Variants in RGS6 observed in about 807,000 individuals in gnomAD.
RGS6 encodes regulator of G protein signaling 6.
In RGS6, 30 loss-of-function variants were observed where a neutral mutation model predicts 78.5. That is an observed-to-expected ratio of 0.38 (90% confidence interval 0.29 to 0.52). The LOEUF (loss-of-function observed/expected upper bound fraction) is 0.52. Among genes scored for constraint, RGS6 ranks in the 20% least tolerant of loss-of-function variants. The pLI is 0.85. For missense variants in RGS6, 495 were observed against 609.7 expected, an observed-to-expected ratio of 0.81 and a Z score of 1.98; for synonymous variants, 206 against 206.0, an observed-to-expected ratio of 1.00 and a Z score of 0.00.
the RGS6 span, among the ~76,000 whole-genome samples, chr14:72,578,696 G>C: frequency 6.6e-6 from 1 of 152,236 alleles, no homozygotes; most frequent in Non-Finnish European, 1.5e-5. Flanking sequence ...ACACAGCGGG[G>C]TATGGCTTCC....
chr14:72,343,248 C>G (rs1316606468), intron 2 of RGS6, among the ~76,000 whole-genome samples: 2 of 152,210 alleles, frequency 1.3e-5, no homozygotes, highest in East Asian at 1.9e-4. Context: ...TCTGGAGGCT[C>G]TAAGGGATAA....
At chr14:72,579,257 G>A in the RGS6 span, among the ~76,000 whole-genome samples, 1 of 152,160 alleles carries the variant, frequency 6.6e-6, no homozygotes, top group African/African-American at 2.4e-5. Context: ...CCACCTGGAA[G>A]CCCCTGAATA....
intron 2 of RGS6, among the ~76,000 whole-genome samples, chr14:72,088,951 T>G (rs1597371094): frequency 1.3e-5 from 2 of 152,244 alleles, no homozygotes; most frequent in African/African-American, 4.8e-5. Flanking sequence ...ATGTTCTCAT[T>G]GTTCACCGAA....
intron 3 of RGS6, among the ~76,000 whole-genome samples, chr14:72,407,470 C>T (rs926047248): frequency 1.3e-5 from 2 of 152,218 alleles, no homozygotes; most frequent in African/African-American, 4.8e-5. Flanking sequence ...AGAATTGGCT[C>T]ATGTGATTAC....
intron 2 of RGS6, among the ~76,000 whole-genome samples, chr14:72,248,981 G>T (rs2054939859): frequency 6.6e-6 from 1 of 152,092 alleles, no homozygotes; most frequent in African/African-American, 2.4e-5. Context: ...AGTTTATCCT[G>T]ATAAAACTTA....
intron 2 of RGS6, among the ~76,000 whole-genome samples, chr14:71,976,120 C>G (rs2094111034): frequency 6.6e-6 from 1 of 151,458 alleles, no homozygotes; most frequent in Non-Finnish European, 1.5e-5. Context: ...TCATTTAATT[C>G]CTAAACTTAT....
chr14:72,022,834 A>G (rs541459609), intron 2 of RGS6, among the ~76,000 whole-genome samples: 3 of 152,172 alleles, frequency 2.0e-5, no homozygotes, highest in African/African-American at 7.2e-5. Flanking sequence ...CTGGTTTTGT[A>G]TCTGAGCTCC....
intron 2 of RGS6, among the ~76,000 whole-genome samples, chr14:72,253,940 A>G (rs117448356): frequency 6.6e-6 from 1 of 152,230 alleles, no homozygotes; most frequent in African/African-American, 2.4e-5. Flanking sequence ...ACCTCTGCTC[A>G]CTGCCATCCC....
intron 2 of RGS6, among the ~76,000 whole-genome samples, chr14:72,253,756 A>T (rs847239): frequency 0.28 from 41,938 of 152,068 alleles, 6,467 homozygotes; most frequent in South Asian, 0.41. Flanking sequence ...GTCTTGAGAG[A>T]TACCATTAGA....
chr14:72,552,879 G>A (rs2097526434), intron 17 of RGS6: 2 of 152,112 alleles, frequency 1.3e-5, no homozygotes, highest in South Asian at 4.1e-4. Context: ...TTTTATATAT[G>A]TATTTTAAGG....
At chr14:72,035,939 A>C (rs961357427) in intron 2 of RGS6, among the ~76,000 whole-genome samples, 1 of 152,150 alleles carries the variant, frequency 6.6e-6, no homozygotes, top group Admixed American at 6.6e-5. Flanking sequence ...GTATACATTT[A>C]TGTAACCACT....
intron 2 of RGS6, among the ~76,000 whole-genome samples, chr14:72,121,323 C>T (rs1273738913): frequency 6.6e-6 from 1 of 152,182 alleles, no homozygotes; most frequent in Non-Finnish European, 1.5e-5. Flanking sequence ...TAAATGGCTC[C>T]ATTCCATAGC....
chr14:72,117,086 T>C (rs1567237431), intron 2 of RGS6, among the ~76,000 whole-genome samples: 1 of 151,318 alleles, frequency 6.6e-6, no homozygotes, highest in East Asian at 1.9e-4. Context: ...AGGCAGCCCC[T>C]CAGAGATCTG....
At chr14:72,549,279 T>C (rs2097461138) in intron 17 of RGS6, among the ~76,000 whole-genome samples, 1 of 151,974 alleles carries the variant, frequency 6.6e-6, no homozygotes, top group East Asian at 1.9e-4. Flanking sequence ...CCGCAGCAGC[T>C]GAGCTCTGGG....
At chr14:72,584,647 A>T in the RGS6 span, among the ~76,000 whole-genome samples, 4 of 152,194 alleles carry the variant, frequency 2.6e-5, no homozygotes, top group Non-Finnish European at 5.9e-5. Flanking sequence ...TCCTACAGAG[A>T]GTAAAGCGCC....
intron 2 of RGS6, among the ~76,000 whole-genome samples, chr14:72,203,834 T>C (rs1274883531): frequency 6.7e-6 from 1 of 149,448 alleles, no homozygotes; most frequent in Non-Finnish European, 1.5e-5. Flanking sequence ...TTTTTTTTTT[T>C]TTTTTTTTGA....
chr14:72,556,759 T>TAAAC (rs1034732525), intron 17 of RGS6, among the ~76,000 whole-genome samples: 8 of 152,234 alleles, frequency 5.3e-5, no homozygotes, highest in African/African-American at 1.9e-4. Context: ...TATTATTTTT[T>TAAAC]AAACAGGTTC....
chr14:72,025,604 C>G (rs926318601), intron 2 of RGS6, among the ~76,000 whole-genome samples: 1 of 152,034 alleles, frequency 6.6e-6, no homozygotes, highest in Non-Finnish European at 1.5e-5. Flanking sequence ...CTGTGCCTTT[C>G]CATAGGGCCA....
the RGS6 span, among the ~76,000 whole-genome samples, chr14:71,925,222 A>G: frequency 9.2e-5 from 14 of 152,188 alleles, no homozygotes; most frequent in Admixed American, 7.2e-4. Flanking sequence ...CTTTTAAAAA[A>G]ATGTCTATTC....
Sources: gnomAD v4.1 joint callset for allele counts (sites outside exome capture counted in the v4.1 genomes callset) on GRCh38, gnomAD v4.1.1 for gene constraint, MANE v1.5 for transcripts, NCBI Gene and HGNC (gene_info 2026-07-23, HGNC 2026-07-21) for gene names.